The following MICOS10 variants were observed in gnomAD, a reference collection of about 807,000 sequenced individuals.
MICOS10 encodes mitochondrial contact site and cristae organizing system subunit 10, also known as MICOS complex subunit MIC10.
Under a neutral mutation model 13.4 loss-of-function variants are expected in MICOS10, and 5 were observed. That is an observed-to-expected ratio of 0.37 (90% CI 0.20 to 0.78). The LOEUF (loss-of-function observed/expected upper bound fraction) is 0.78, where lower values mean the gene tolerates loss of function less well. Among genes scored for constraint, MICOS10 ranks in the 30% least tolerant of loss-of-function variants. The probability of loss-of-function intolerance (pLI) is 0.47; values close to 1 mark genes in which losing one functional copy is unlikely to be tolerated. For synonymous variants in MICOS10, 35 were observed against 33.6 expected, an observed-to-expected ratio of 1.04 and a Z score of -0.15; for missense variants, 101 against 94.6, an observed-to-expected ratio of 1.07 and a Z score of -0.28.
chr1:19,623,049 G>T (rs1472744664), intron 2 of MICOS10, among the ~76,000 whole-genome samples: 10 of 151,036 alleles, frequency 6.6e-5, no homozygotes, highest in African/African-American at 2.4e-4. Flanking sequence ...AGCCTCCCAA[G>T]TAGCTGGGAT....
chr1:19,623,543 A>G lies in MICOS10; in HGVS notation c.182A>G (p.Asp61Gly), dbSNP rs571041886. ...ATGGCTTATTCCAACTGTCAGCATGATTTCCAGGCTCCATATCTTCTACAT... is the reference window on the plus strand; with the variant it reads ...ATGGCTTATTCCAACTGTCAGCATGGTTTCCAGGCTCCATATCTTCTACAT... ...LGMAYSNCQH[D>G]FQAPYLLHGK... The change falls in exon 3 of 4, where the codon GAT becomes GGT. Residue 61 changes from aspartate to glycine, a missense_variant. Physicochemically the swap from Asp to Gly is moderately conservative, Grantham distance 94. Transcript: ENST00000322753. 2 of 1,613,384 alleles carry G rather than the reference A, an allele frequency of 1.2e-6. No individual in the cohort carries two copies. The highest frequency in any genetic ancestry group is 1.7e-6 in the Non-Finnish European group (2 of 1,179,602).
intron 1 of MICOS10, among the ~76,000 whole-genome samples, chr1:19,597,680 T>C (rs2094797956): frequency 6.6e-6 from 1 of 152,168 alleles, no homozygotes; most frequent in South Asian, 2.1e-4. Context: ...CGCTGGAAAG[T>C]AAGAAGTTGT....
At chr1:19,619,369 T>C (rs1425690170) in intron 1 of MICOS10, among the ~76,000 whole-genome samples, 1 of 152,246 alleles carries the variant, frequency 6.6e-6, no homozygotes, top group Non-Finnish European at 1.5e-5. Context: ...ATCTGTGGCA[T>C]GGTGAGAACA....
chr1:19,627,239 A>G lies in MICOS10; in HGVS notation c.*838A>G, dbSNP rs1469544673. 1.3e-5 allele frequency: 2 copies of G among 152,238 alleles called. No individual in the cohort carries two copies. Among genetic ancestry groups the G allele is most frequent in the Non-Finnish European group, 2.9e-5 (2 of 68,036 alleles). The allele number at this position is 152,238 out of a possible 1,614,324, so 9.4% of individuals were successfully genotyped here. A position where few individuals can be genotyped will look rare whatever the true frequency, so the allele number is the denominator to read the frequency against. On this transcript the variant is annotated 3_prime_UTR_variant, in exon 4 of 4. Coordinates refer to ENST00000322753, the MANE Select transcript of MICOS10 (RefSeq NM_001032363.4). ...ACCAGGGATGCTAGATGCAAAAGTCATATTTTAGCAATTTCTTCAGACGAT... is the reference window on the plus strand; with the variant it reads ...ACCAGGGATGCTAGATGCAAAAGTCGTATTTTAGCAATTTCTTCAGACGAT...
intron 1 of MICOS10, among the ~76,000 whole-genome samples, chr1:19,602,910 A>C (rs2094821221): frequency 6.6e-6 from 1 of 152,092 alleles, no homozygotes; most frequent in Non-Finnish European, 1.5e-5. Context: ...CCTGGACTGG[A>C]TGAGAGGTTA....
At chr1:19,617,133 A>G (rs1268648750) in intron 1 of MICOS10, 1 of 215,034 alleles carries the variant, frequency 4.7e-6, no homozygotes, top group East Asian at 1.8e-4. Flanking sequence ...GTACACACTC[A>G]TTTAAAAGGA....
At chr1:19,608,838 T>A (rs1318220825) in intron 1 of MICOS10, among the ~76,000 whole-genome samples, 1 of 151,980 alleles carries the variant, frequency 6.6e-6, no homozygotes, top group Non-Finnish European at 1.5e-5. Context: ...GATAAAGGGC[T>A]TAGAATACAT....
At chr1:19,600,651 G>A in intron 1 of MICOS10, 1 of 322,044 alleles carries the variant, frequency 3.1e-6, no homozygotes, top group Non-Finnish European at 6.3e-6. Context: ...ACCCAGTCTG[G>A]AGTGCAGTGG....
At chr1:19,618,170 G>C (rs933580307) in intron 1 of MICOS10, among the ~76,000 whole-genome samples, 6 of 146,402 alleles carry the variant, frequency 4.1e-5, no homozygotes, top group Admixed American at 2.1e-4. Flanking sequence ...ACAGTGGTAT[G>C]ATCATGGCTC....
chr1:19,619,053 A>G (rs1029919785), intron 1 of MICOS10, among the ~76,000 whole-genome samples: 1 of 152,230 alleles, frequency 6.6e-6, no homozygotes, highest in Non-Finnish European at 1.5e-5. Flanking sequence ...GCCATAAGTT[A>G]TTGATAGATG....
At chr1:19,604,210 A>G (rs1365113643) in intron 1 of MICOS10, among the ~76,000 whole-genome samples, 2 of 152,156 alleles carry the variant, frequency 1.3e-5, no homozygotes, top group South Asian at 4.1e-4. Context: ...TACTTACTAA[A>G]TATTATTAAC....
chr1:19,603,037 C>T lies in MICOS10; in HGVS notation c.64+5928C>T, dbSNP rs566436462. 2.6e-5 allele frequency among the ~76,000 whole-genome samples: 4 copies of T among 152,074 alleles called. No individual in the cohort carries two copies. In the South Asian group the frequency reaches 8.3e-4, roughly 32 times the overall value. On this transcript the variant is annotated intron_variant, in intron 1 of 3. Coordinates refer to ENST00000322753, the MANE Select transcript of MICOS10 (RefSeq NM_001032363.4). ...TTATGAGCCCTACAGGTGTGGGTCACAGAAGCACTAGGCCGGGCTCGCTGG... is the reference window on the plus strand; with the variant it reads ...TTATGAGCCCTACAGGTGTGGGTCATAGAAGCACTAGGCCGGGCTCGCTGG...
chr1:19,623,429 CT>C (rs779240051), intron 2 of MICOS10, 44 bp from the exon 3 acceptor site: 23 of 1,235,846 alleles, frequency 1.9e-5, no homozygotes, highest in Middle Eastern at 2.7e-4. Context: ...GCTTTATCTT[CT>C]CTTAATAATT....
At chr1:19,616,618 A>AT (rs2094885375) in intron 1 of MICOS10, among the ~76,000 whole-genome samples, 1 of 152,202 alleles carries the variant, frequency 6.6e-6, no homozygotes, top group Admixed American at 6.5e-5. Flanking sequence ...ATAGTCATAA[A>AT]TTAACCATGG....
chr1:19,615,229 T>C (rs558874900), intron 1 of MICOS10, among the ~76,000 whole-genome samples: 1 of 152,376 alleles, frequency 6.6e-6, no homozygotes, highest in South Asian at 2.1e-4. Context: ...GCCAGTACTC[T>C]TGCCCTTTAG....
At chr1:19,609,478 C>A (rs1434229798) in intron 1 of MICOS10, among the ~76,000 whole-genome samples, 1 of 152,182 alleles carries the variant, frequency 6.6e-6, no homozygotes, top group Non-Finnish European at 1.5e-5. Flanking sequence ...CCATTCTACT[C>A]CTAGATATTT....
chr1:19,614,321 CT>C (rs1409254504), intron 1 of MICOS10, among the ~76,000 whole-genome samples: 1 of 150,448 alleles, frequency 6.6e-6, no homozygotes, highest in African/African-American at 2.4e-5. Context: ...ATTCACCTCC[CT>C]TATAAAAAAA....
rs376238198 is a variant in MICOS10 at position 19,623,163 on chromosome 1, C to T, written c.113-311C>T. Among the ~76,000 whole-genome samples, 6 of 152,126 alleles carry T rather than the reference C, an allele frequency of 3.9e-5. No homozygotes were observed. The South Asian group carries it at 6.2e-4, about 16-fold the overall frequency. On this transcript the variant is annotated intron_variant, in intron 2 of 3. Transcript: ENST00000322753. ...GTCTCGATCTCCTGACCTCGTGATC[C>T]GCCCGCCTACGCCTCCCAGAGTGCG... is the stretch of plus-strand genomic sequence containing the variant.
At chr1:19,623,330 G>A in intron 2 of MICOS10, 144 bp from the exon 3 acceptor site, 2 of 593,658 alleles carry the variant, frequency 3.4e-6, no homozygotes, top group South Asian at 2.4e-5. Flanking sequence ...GTGAAACATT[G>A]ATAAAAATGT....
Sources: allele counts gnomAD v4.1 joint callset (sites outside exome capture counted in the v4.1 genomes callset), GRCh38; gene constraint gnomAD v4.1.1; transcripts MANE v1.5; gene names NCBI Gene and HGNC (gene_info 2026-07-23, HGNC 2026-07-21).